GRIN2B: variants seen among roughly 807,000 people sequenced by gnomAD.
GRIN2B encodes the protein glutamate ionotropic receptor NMDA type subunit 2B.
Under a neutral mutation model 114.5 loss-of-function variants are expected in GRIN2B, and 5 were observed. The ratio of observed to expected loss-of-function variants is 0.04; its 90% CI spans 0.02 to 0.09. The LOEUF (loss-of-function observed/expected upper bound fraction) is 0.09, where lower values mean the gene tolerates loss of function less well. GRIN2B is among the 10% of genes least tolerant of loss of function. GRIN2B has a pLI of 1.00. For synonymous variants in GRIN2B, 787 were observed against 745.1 expected (o/e 1.06, Z -0.92); for missense variants, 1,108 against 1,943.5 (o/e 0.57, Z 8.08).
chr12:13,580,564 G>A (rs1382188549), intron 10 of GRIN2B, among the ~76,000 whole-genome samples: 2 of 152,180 alleles, frequency 1.3e-5, no homozygotes, highest in Admixed American at 6.5e-5. Flanking sequence ...AGTGGGAAAG[G>A]CTTAGGAGAT....
At position 13,787,177 on chromosome 12, in the gene GRIN2B, C is replaced by T. The variant is rs146095958; in HGVS notation, c.412-33262G>A. On this transcript the variant is annotated intron_variant, in intron 3 of 13. Coordinates refer to ENST00000609686, the MANE Select transcript of GRIN2B (RefSeq NM_000834.5). ...TCTAACCTAGGCTAGGAGAAGTGGC[C>T]ACTGAATATTATTTGAAAAGCTGTC... is the stretch of plus-strand genomic sequence containing the variant. Among the ~76,000 whole-genome samples, 259 of 152,206 alleles carry T rather than the reference C, an allele frequency of 1.7e-3. 1 individual carries two copies. The highest frequency in any genetic ancestry group is 5.9e-3 in the African/African-American group (247 of 41,522).
At chr12:13,636,037 T>C (rs1949663095) in intron 5 of GRIN2B, among the ~76,000 whole-genome samples, 1 of 152,006 alleles carries the variant, frequency 6.6e-6, no homozygotes, top group Admixed American at 6.6e-5. Flanking sequence ...ATTGAGATAA[T>C]TAAAGGTGGG....
intron 2 of GRIN2B, among the ~76,000 whole-genome samples, chr12:13,884,397 C>T (rs766012566): frequency 6.6e-6 from 1 of 152,076 alleles, no homozygotes; most frequent in Non-Finnish European, 1.5e-5. Context: ...GATGTTACTA[C>T]AAATTTCTTA....
chr12:13,614,320 G>A (rs888325216), intron 8 of GRIN2B, among the ~76,000 whole-genome samples: 18 of 152,280 alleles, frequency 1.2e-4, no homozygotes, highest in African/African-American at 4.1e-4. Context: ...TTAGAGAGAC[G>A]GTGACTCGTC....
At chr12:13,950,424 T>C (rs1040093776) in intron 2 of GRIN2B, among the ~76,000 whole-genome samples, 1 of 152,216 alleles carries the variant, frequency 6.6e-6, no homozygotes, top group African/African-American at 2.4e-5. Flanking sequence ...AGTTATTTCA[T>C]CTCTTTAAGT....
chr12:13,917,558 A>C (rs1254149708), intron 2 of GRIN2B, among the ~76,000 whole-genome samples: 1 of 152,250 alleles, frequency 6.6e-6, no homozygotes, highest in African/African-American at 2.4e-5. Flanking sequence ...AGAGGACAGC[A>C]GTGACCAGGG....
chr12:13,667,461 C>T (rs1242419092), intron 5 of GRIN2B, among the ~76,000 whole-genome samples: 5 of 152,092 alleles, frequency 3.3e-5, no homozygotes, highest in Non-Finnish European at 5.9e-5. Context: ...GGGGACAAAT[C>T]TTCTCACTTT....
intron 4 of GRIN2B, among the ~76,000 whole-genome samples, chr12:13,703,456 A>G (rs1004254537): frequency 1.3e-5 from 2 of 152,198 alleles, no homozygotes; most frequent in African/African-American, 2.4e-5. Flanking sequence ...GACAACCCAC[A>G]TTATTATTTT....
chr12:13,753,304 G>T lies in GRIN2B; in HGVS notation c.1010+13C>A, dbSNP rs199797283. ...CATCTCCACCATCAATGTGCCCTCT[G>T]TTCCACACTCACCTATTTAGCATAT... On this transcript the variant is annotated intron_variant, in intron 4 of 13. Coordinates refer to ENST00000609686, the MANE Select transcript of GRIN2B (RefSeq NM_000834.5). This position sits in a 1 kb window ranked among gnomAD's most constrained non-coding sequence, Gnocchi z 6.2. The T allele has an allele frequency of 2.1e-6, 3 of 1,423,830 alleles. No homozygotes were observed. Among genetic ancestry groups the T allele is most frequent in the East Asian group, 2.3e-5 (1 of 43,964 alleles). 88.2% of individuals were successfully genotyped at this position (1,423,830 alleles called of 1,614,324 possible). A position where few individuals can be genotyped will look rare whatever the true frequency, so the allele number is the denominator to read the frequency against.
intron 2 of GRIN2B, among the ~76,000 whole-genome samples, chr12:13,954,757 C>T (rs112795655): frequency 0.019 from 2,493 of 128,740 alleles, 32 homozygotes; most frequent in Non-Finnish European, 0.03. Flanking sequence ...TGCTGTGAGC[C>T]GAGATCTTGC....
intron 4 of GRIN2B, among the ~76,000 whole-genome samples, chr12:13,701,592 T>A (rs1950313410): frequency 6.6e-6 from 1 of 151,262 alleles, no homozygotes; most frequent in Non-Finnish European, 1.5e-5. Context: ...TCTAATTTCA[T>A]CCCTCCAACT....
intron 3 of GRIN2B, among the ~76,000 whole-genome samples, chr12:13,854,981 T>C (rs1252525678): frequency 7.0e-6 from 1 of 142,442 alleles, no homozygotes; most frequent in Non-Finnish European, 1.5e-5. Flanking sequence ...AAGGCCAAGG[T>C]GGGTGGACCA....
At chr12:13,686,121 T>G (rs1030711945) in intron 4 of GRIN2B, among the ~76,000 whole-genome samples, 2 of 152,184 alleles carry the variant, frequency 1.3e-5, no homozygotes, top group Non-Finnish European at 2.9e-5. Context: ...TTCTAGAGTT[T>G]CTTTAAGTTT....
At chr12:13,770,377 A>G (rs1392352578) in intron 3 of GRIN2B, among the ~76,000 whole-genome samples, 3 of 152,238 alleles carry the variant, frequency 2.0e-5, no homozygotes, top group African/African-American at 7.2e-5. Flanking sequence ...AATATATCAG[A>G]ATATGACAAG....
At chr12:13,582,133 T>C (rs948060724) in intron 10 of GRIN2B, among the ~76,000 whole-genome samples, 1 of 152,090 alleles carries the variant, frequency 6.6e-6, no homozygotes, top group Admixed American at 6.5e-5. Flanking sequence ...GGGCCTGGAG[T>C]GGCCCCCCAA....
intron 10 of GRIN2B, among the ~76,000 whole-genome samples, chr12:13,575,552 G>C (rs1565459313): frequency 1.3e-5 from 2 of 151,998 alleles, no homozygotes; most frequent in African/African-American, 4.8e-5. Flanking sequence ...CCAGCTACCT[G>C]GGAGGCTGAG....
At chr12:13,752,426 A>G (rs1358811352) in intron 4 of GRIN2B, among the ~76,000 whole-genome samples, 22 of 152,222 alleles carry the variant, frequency 1.4e-4, no homozygotes, top group Admixed American at 1.2e-3. Flanking sequence ...GATGTTCACG[A>G]ATTATTTCTA....
At chr12:13,909,246 G>A (rs1220767334) in intron 2 of GRIN2B, among the ~76,000 whole-genome samples, 1 of 152,186 alleles carries the variant, frequency 6.6e-6, no homozygotes, top group African/African-American at 2.4e-5. Context: ...AAGATCATAT[G>A]CTAAGCCAGG....
chr12:13,596,220 C>T (rs1949071382), intron 10 of GRIN2B, among the ~76,000 whole-genome samples: 1 of 152,272 alleles, frequency 6.6e-6, no homozygotes, highest in South Asian at 2.1e-4. Flanking sequence ...CTCTTTTGTA[C>T]CCAGTCCAAA....
Sources: gnomAD v4.1 joint callset for allele counts (sites outside exome capture counted in the v4.1 genomes callset) on GRCh38, gnomAD v4.1.1 for gene constraint, Gnocchi (gnomAD v3.1) non-coding constraint, MANE v1.5 for transcripts, NCBI Gene and HGNC (gene_info 2026-07-23, HGNC 2026-07-21) for gene names.